Variants in BANP observed in about 807,000 individuals in gnomAD.
BANP encodes BTG3 associated nuclear protein.
BANP carries 11 observed loss-of-function variants against 68.1 expected under a neutral mutation model. The ratio of observed to expected loss-of-function variants is 0.16; its 90% CI spans 0.10 to 0.27. BANP has a LOEUF of 0.27. Ranked by LOEUF, BANP falls within the 10% of genes least tolerant of loss-of-function variation. BANP has a pLI of 1.00. For missense variants in BANP, 504 were observed against 722.7 expected (o/e 0.70, Z 3.47); for synonymous variants, 329 against 303.2 (o/e 1.09, Z -0.88).
At chr16:87,967,092 G>A (rs1239235899) in intron 1 of BANP, among the ~76,000 whole-genome samples, 1 of 152,206 alleles carries the variant, frequency 6.6e-6, no homozygotes, top group Non-Finnish European at 1.5e-5. Flanking sequence ...GCTGGGAAGG[G>A]AAGTCCGTGT....
At chr16:87,971,497 TC>T (rs2145597006) in intron 1 of BANP, among the ~76,000 whole-genome samples, 1 of 152,162 alleles carries the variant, frequency 6.6e-6, no homozygotes, top group East Asian at 1.9e-4. Flanking sequence ...AATACGTTAA[TC>T]CTTTTTTTTT....
At chr16:87,978,571 G>A (rs1030235141) in intron 2 of BANP, 2 of 468,618 alleles carry the variant, frequency 4.3e-6, no homozygotes, top group African/African-American at 4.0e-5. Flanking sequence ...ATCTGCAAAG[G>A]CTTAGGTGGA....
At chr16:88,073,586 C>T (rs369302082) in intron 13 of BANP, among the ~76,000 whole-genome samples, 4 of 152,182 alleles carry the variant, frequency 2.6e-5, no homozygotes, top group Non-Finnish European at 4.4e-5. Context: ...CAAACTCGTT[C>T]GGCAGCGCTT....
intron 11 of BANP, among the ~76,000 whole-genome samples, chr16:88,050,889 G>C (rs1426140361): frequency 6.6e-6 from 1 of 151,956 alleles, no homozygotes; most frequent in Non-Finnish European, 1.5e-5. Context: ...GTTTTGCCCT[G>C]TTGCACAGAC....
At chr16:87,982,801 C>G (rs2063535182) in intron 3 of BANP, 1 of 152,186 alleles carries the variant, frequency 6.6e-6, no homozygotes, top group Non-Finnish European at 1.5e-5. Context: ...GTCCCTGCCA[C>G]TGTGTACGCC....
At chr16:87,953,511 T>C (rs574905582) in intron 1 of BANP, among the ~76,000 whole-genome samples, 1 of 152,328 alleles carries the variant, frequency 6.6e-6, no homozygotes, top group African/African-American at 2.4e-5. Context: ...TCTAAGCTGA[T>C]ATTTTGTATT....
intron 1 of BANP, among the ~76,000 whole-genome samples, chr16:87,961,849 G>T (rs1044888314): frequency 6.6e-6 from 1 of 152,130 alleles, no homozygotes; most frequent in African/African-American, 2.4e-5. Context: ...TGTTATAAAA[G>T]CCAGTTTGGG....
intron 4 of BANP, among the ~76,000 whole-genome samples, chr16:87,993,009 T>C (rs975623810): frequency 1.8e-4 from 28 of 152,298 alleles, no homozygotes; most frequent in Admixed American, 8.5e-4. Flanking sequence ...ACTTCCTTGT[T>C]TTTGGCGACT....
chr16:87,958,827 T>C (rs900193042), intron 1 of BANP, among the ~76,000 whole-genome samples: 2 of 152,194 alleles, frequency 1.3e-5, no homozygotes, highest in East Asian at 3.8e-4. Context: ...AACCTCACAG[T>C]AGAAAATCCA....
intron 8 of BANP, among the ~76,000 whole-genome samples, chr16:88,032,286 C>T (rs2078357091): frequency 6.6e-6 from 1 of 151,942 alleles, no homozygotes; most frequent in South Asian, 2.1e-4. Context: ...ATTACAACCT[C>T]CGCCTCCCAG....
At chr16:88,035,088 G>A (rs566504887) in intron 9 of BANP, 6 of 524,388 alleles carry the variant, frequency 1.1e-5, no homozygotes, top group South Asian at 6.4e-5. Flanking sequence ...AGTTTCTGGC[G>A]TCCACGTGGT....
chr16:87,957,084 C>G lies in BANP; in HGVS notation c.-69+5569C>G, dbSNP rs202202754. ...TGTTGGAAAGAACCACTCTGCAATC[C>G]TTCGCGTCTACACTTCGTCAAGAAC... On this transcript the variant is annotated intron_variant, in intron 1 of 13. Transcript: ENST00000682872. The surrounding 1 kb of genome is among the most constrained non-coding windows in gnomAD (Gnocchi z 4.3). 6.6e-6 allele frequency: 1 copy of G among 152,184 alleles called. No individual in the cohort carries two copies. Among genetic ancestry groups the G allele is most frequent in the East Asian group, 1.9e-4 (1 of 5,188 alleles). 9.4% of individuals were successfully genotyped at this position (152,184 alleles called of 1,614,324 possible). A position where few individuals can be genotyped will look rare whatever the true frequency, so the allele number is the denominator to read the frequency against.
chr16:87,979,042 C>A (rs769117846), intron 2 of BANP, among the ~76,000 whole-genome samples: 3 of 152,148 alleles, frequency 2.0e-5, no homozygotes, highest in Admixed American at 6.5e-5. Flanking sequence ...CCAGGTAGAT[C>A]GGATTTGACT....
intron 11 of BANP, among the ~76,000 whole-genome samples, chr16:88,059,059 T>TGGTCCGTGCTCCTGCTGGTGTGCTGA (rs879309783): frequency 6.9e-6 from 1 of 144,918 alleles, no homozygotes; most frequent in Admixed American, 6.8e-5. Flanking sequence ...CACAGTGCTG[T>TGGTCCGTGCTCCTGCTGGTGTGCTGA]GGTCCGTGCT....
chr16:88,035,540 G>A (rs1348708993), intron 10 of BANP, 146 bp downstream of exon 10: 12 of 709,990 alleles, frequency 1.7e-5, no homozygotes, highest in Non-Finnish European at 2.8e-5. Context: ...CTTCCAGGGT[G>A]CACATAGCGG....
intron 10 of BANP, chr16:88,037,741 G>A: frequency 1.7e-6 from 1 of 574,860 alleles, no homozygotes. Context: ...GTAGGGGAAT[G>A]AGTACAATGC....
chr16:88,019,275 C>T (rs566026375), intron 7 of BANP, among the ~76,000 whole-genome samples: 185 of 152,152 alleles, frequency 1.2e-3, no homozygotes, highest in Admixed American at 2.2e-3. Flanking sequence ...GCGCTCAGGT[C>T]CTCCTTGCCA....
intron 8 of BANP, among the ~76,000 whole-genome samples, chr16:88,029,981 A>T (rs1312869956): frequency 6.6e-6 from 1 of 152,246 alleles, no homozygotes; most frequent in Non-Finnish European, 1.5e-5. Flanking sequence ...AGCTCACCCC[A>T]GGCTGGGTGG....
At chr16:87,955,207 G>T (rs1422450545) in intron 1 of BANP, among the ~76,000 whole-genome samples, 1 of 152,192 alleles carries the variant, frequency 6.6e-6, no homozygotes, top group African/African-American at 2.4e-5. Context: ...TCACTGGGAG[G>T]TTGTGTGTAG....
Sources: allele counts gnomAD v4.1 joint callset (sites outside exome capture counted in the v4.1 genomes callset), GRCh38; gene constraint gnomAD v4.1.1; non-coding constraint Gnocchi (gnomAD v3.1); transcripts MANE v1.5; gene names NCBI Gene and HGNC (gene_info 2026-07-23, HGNC 2026-07-21).